The following PLCE1 variants were observed in gnomAD, a reference collection of about 807,000 sequenced individuals.
PLCE1 encodes phospholipase C epsilon 1, also known as 1-phosphatidylinositol 4,5-bisphosphate phosphodiesterase epsilon-1.
PLCE1 carries 119 observed loss-of-function variants against 242.8 expected under a neutral mutation model. The observed-to-expected ratio is 0.49, with a 90% confidence interval of 0.42 to 0.57. PLCE1 has a LOEUF of 0.57. PLCE1 is among the 20% of genes least tolerant of loss of function. The pLI is 0.00. For synonymous variants in PLCE1, 945 were observed against 1,017.4 expected (o/e 0.93, Z 1.35); for missense variants, 2,441 against 2,788.8 (o/e 0.88, Z 2.81).
At chr10:94,112,170 A>C (rs1320074632) in intron 2 of PLCE1, among the ~76,000 whole-genome samples, 3 of 152,128 alleles carry the variant, frequency 2.0e-5, no homozygotes, top group Non-Finnish European at 4.4e-5. Context: ...AGAGATACAT[A>C]TTTAATAAAA....
At chr10:94,009,781 A>G (rs61648184) in intron 1 of PLCE1, among the ~76,000 whole-genome samples, 1,606 of 152,358 alleles carry the variant, frequency 0.011, 10 homozygotes, top group Middle Eastern at 0.02. Flanking sequence ...CCTTGACTCC[A>G]TGTCCCACAT....
intron 2 of PLCE1, among the ~76,000 whole-genome samples, chr10:94,076,790 A>G (rs529518399): frequency 2.6e-5 from 4 of 152,282 alleles, no homozygotes; most frequent in Admixed American, 2.6e-4. Flanking sequence ...GCTCTGCTGG[A>G]CACCCACCTT....
At chr10:94,081,751 C>T (rs1043631135) in intron 2 of PLCE1, among the ~76,000 whole-genome samples, 1 of 152,196 alleles carries the variant, frequency 6.6e-6, no homozygotes, top group African/African-American at 2.4e-5. Flanking sequence ...AGTTAAGTAA[C>T]CTTTCCAGAA....
At chr10:94,142,809 G>C (rs1304662840) in intron 3 of PLCE1, among the ~76,000 whole-genome samples, 4 of 152,212 alleles carry the variant, frequency 2.6e-5, no homozygotes, top group African/African-American at 9.7e-5. Flanking sequence ...GACACCTAAG[G>C]GGAGGTATCT....
Position 94,070,995 on chromosome 10 carries a change from T to C in PLCE1, c.1206+38743T>C, listed in dbSNP as rs2044335297. On this transcript the variant is annotated intron_variant, in intron 2 of 32. Transcript: ENST00000371380. ...GCTAGACACTTCATACCCAACCGCA[T>C]GCTTAATCTTGCCAACAAATCTGGG... Among the ~76,000 whole-genome samples, 3 of 152,338 alleles carry C rather than the reference T, an allele frequency of 2.0e-5. No homozygotes were observed. The South Asian group carries it at 6.2e-4, about 32-fold the overall frequency.
rs780996293 is a variant in PLCE1, at chr10:94,171,323, A to G, written c.1636A>G (p.Ile546Val). 3 of 1,614,004 alleles carry G rather than the reference A, an allele frequency of 1.9e-6. No homozygotes were observed. In the African/African-American group the frequency reaches 4.0e-5, roughly 22 times the overall value. The change falls in exon 4 of 33, where the codon ATT becomes GTT. Residue 546 changes from isoleucine to valine, a missense_variant. By Grantham distance (29) the Ile-to-Val change is conservative. Transcript: ENST00000371380. ...CATCCTGATGGAGCAAGAGCAGACT[A>G]TTTACCGCAGGGTCTTGCCAGTCGA... ...ASILMEQEQT[I>V]YRRVLPVDYL...
intron 1 of PLCE1, among the ~76,000 whole-genome samples, chr10:94,022,075 A>G (rs897461204): frequency 1.3e-5 from 2 of 152,040 alleles, no homozygotes; most frequent in Non-Finnish European, 1.5e-5. Flanking sequence ...AAATAAATAA[A>G]AGATTTACCT....
chr10:94,036,217 G>C (rs577454254), intron 2 of PLCE1, among the ~76,000 whole-genome samples: 1 of 152,276 alleles, frequency 6.6e-6, no homozygotes, highest in South Asian at 2.1e-4. Flanking sequence ...CAAGGAGTGA[G>C]TGCTGCTCTG....
At chr10:94,155,950 C>T (rs2047419132) in intron 3 of PLCE1, among the ~76,000 whole-genome samples, 1 of 151,676 alleles carries the variant, frequency 6.6e-6, no homozygotes, top group Non-Finnish European at 1.5e-5. Context: ...TGTGCCCAGC[C>T]TAGAAAATAA....
At chr10:94,238,338 T>C (rs532761452) in intron 7 of PLCE1, among the ~76,000 whole-genome samples, 2 of 152,320 alleles carry the variant, frequency 1.3e-5, no homozygotes, top group South Asian at 4.1e-4. Flanking sequence ...AATGGGGTCT[T>C]CAAGTAGGCT....
At chr10:94,258,021 G>C (rs902741048) in intron 11 of PLCE1, among the ~76,000 whole-genome samples, 1 of 152,128 alleles carries the variant, frequency 6.6e-6, no homozygotes, top group South Asian at 2.1e-4. Flanking sequence ...AAAAAATGTT[G>C]TGAAACAGTA....
At chr10:94,226,295 C>T (rs566609666) in intron 4 of PLCE1, among the ~76,000 whole-genome samples, 22 of 152,266 alleles carry the variant, frequency 1.4e-4, no homozygotes, top group Admixed American at 3.9e-4. Context: ...TTTGTGTAAA[C>T]ACATCAGGCA....
intron 4 of PLCE1, among the ~76,000 whole-genome samples, chr10:94,219,463 G>C (rs1017048323): frequency 5.3e-5 from 8 of 152,048 alleles, no homozygotes; most frequent in African/African-American, 1.7e-4. Flanking sequence ...ACAGCTCCAG[G>C]CTCATATCTT....
chr10:94,059,960 T>C (rs1481107452), intron 2 of PLCE1, among the ~76,000 whole-genome samples: 1 of 152,204 alleles, frequency 6.6e-6, no homozygotes, highest in Non-Finnish European at 1.5e-5. Context: ...TTTGATTAAA[T>C]TTGTTACACC....
chr10:94,048,754 T>A (rs1315679695), intron 2 of PLCE1, among the ~76,000 whole-genome samples: 2 of 148,252 alleles, frequency 1.3e-5, no homozygotes, highest in East Asian at 3.9e-4. Flanking sequence ...CACACATATA[T>A]ATAGAGAGAG....
chr10:94,284,816 CATGTAAA>C (rs2052378116), intron 21 of PLCE1, 25 bp from the exon 22 acceptor site: 1 of 1,146,778 alleles, frequency 8.7e-7, no homozygotes, highest in Admixed American at 1.7e-5. Context: ...ATATACCTTC[CATGTAAA>C]ATGGTATCAT....
Position 94,265,645 on chromosome 10 carries a change from A to C in PLCE1, c.4054-2A>C. 6.2e-7 allele frequency: 1 copy of C among 1,613,118 alleles called. No individual in the cohort carries two copies. Among genetic ancestry groups the C allele is most frequent in the Non-Finnish European group, 8.5e-7 (1 of 1,179,276 alleles). On this transcript the variant is annotated splice_acceptor_variant, in intron 14 of 32. Coordinates refer to ENST00000371380, the MANE Select transcript of PLCE1 (RefSeq NM_016341.4). LOFTEE classifies it high-confidence loss of function. ...AACACTTTTTTTTTTAATCCCTTGC[A>C]GAAGTTCGAGCCTAGCATCAGTATG...
chr10:94,073,951 T>C (rs1283553249), intron 2 of PLCE1, among the ~76,000 whole-genome samples: 1 of 152,116 alleles, frequency 6.6e-6, no homozygotes, highest in Non-Finnish European at 1.5e-5. Flanking sequence ...AATGAGGGAT[T>C]TGATATCTCA....
intron 2 of PLCE1, among the ~76,000 whole-genome samples, chr10:94,106,912 T>TTCTCTCTCTCTCTCTCTCTCTCTCTC (rs771182277): frequency 0.016 from 617 of 38,754 alleles, 189 homozygotes; most frequent in Middle Eastern, 0.062. Context: ...TGTCTCTTGT[T>TTCTCTCTCTCTCTCTCTCTCTCTCTC]TCTCTCTCTC....
Sources: gnomAD v4.1 joint callset for allele counts (sites outside exome capture counted in the v4.1 genomes callset) on GRCh38, gnomAD v4.1.1 for gene constraint, MANE v1.5 for transcripts, NCBI Gene and HGNC (gene_info 2026-07-23, HGNC 2026-07-21) for gene names.